Variants in RIMS1 observed in about 807,000 individuals in gnomAD.
RIMS1 encodes the protein regulating synaptic membrane exocytosis 1.
RIMS1 carries 83 observed loss-of-function variants against 214.1 expected under a neutral mutation model. That is an observed-to-expected ratio of 0.39 (90% confidence interval 0.32 to 0.47). RIMS1 has a LOEUF of 0.47. Among genes scored for constraint, RIMS1 ranks in the 20% least tolerant of loss-of-function variants. The pLI, the probability that RIMS1 is intolerant of heterozygous loss-of-function variation, is 0.99. For missense variants in RIMS1, 2,050 were observed against 2,161.8 expected, an observed-to-expected ratio of 0.95 and a Z score of 1.03; for synonymous variants, 793 against 786.8, an observed-to-expected ratio of 1.01 and a Z score of -0.13.
At position 72,324,733 on chromosome 6, in the gene RIMS1, A is replaced by C. The variant is rs1269457756; in HGVS notation, c.4131-8867A>C. On this transcript the variant is annotated intron_variant, in intron 28 of 33. Transcript: ENST00000521978. The stretch of plus-strand genomic sequence containing the variant: ...TGAGCAAACTATGGCCAGCAGGCTA[A>C]ATCTGGCCCACTGCCTATTATTGTG... Among the ~76,000 whole-genome samples, 3 of 152,076 alleles carry C rather than the reference A, an allele frequency of 2.0e-5. No homozygotes were observed. The East Asian group carries it at 5.8e-4, about 30-fold the overall frequency.
chr6:72,356,100 C>T (rs956800434), intron 29 of RIMS1, among the ~76,000 whole-genome samples: 3 of 152,152 alleles, frequency 2.0e-5, no homozygotes, highest in Non-Finnish European at 4.4e-5. Flanking sequence ...CATTATATAT[C>T]CAGTCAGTTG....
At chr6:71,936,219 C>T (rs908385212) in intron 1 of RIMS1, among the ~76,000 whole-genome samples, 12 of 145,738 alleles carry the variant, frequency 8.2e-5, no homozygotes, top group African/African-American at 2.8e-4. Flanking sequence ...CCCAGCTACT[C>T]GGGAGGCTGA....
chr6:72,187,783 C>T (rs551144028), intron 6 of RIMS1, among the ~76,000 whole-genome samples: 22 of 152,152 alleles, frequency 1.4e-4, no homozygotes, highest in Non-Finnish European at 2.5e-4. Flanking sequence ...GGAGCCATCG[C>T]GCCCAGCCCA....
chr6:72,048,828 G>T (rs544519464), intron 2 of RIMS1, among the ~76,000 whole-genome samples: 113 of 152,310 alleles, frequency 7.4e-4, no homozygotes, highest in African/African-American at 2.6e-3. Flanking sequence ...TGAGGAAGGG[G>T]TGGACTGCAG....
chr6:71,937,186 G>T lies in RIMS1; in HGVS notation c.165-31797G>T, dbSNP rs1784702204. 2.0e-5 allele frequency among the ~76,000 whole-genome samples: 3 copies of T among 152,206 alleles called. No individual in the cohort carries two copies. In the South Asian group the frequency reaches 6.2e-4, roughly 32 times the overall value. ...CCATTTTCTGCTGTTATGCCAGATT[G>T]CCACAGAATAGGTAATTTATAAAGA... On this transcript the variant is annotated intron_variant, in intron 1 of 33. Coordinates refer to ENST00000521978, the MANE Select transcript of RIMS1 (RefSeq NM_014989.7).
At chr6:72,316,391 A>G (rs940947415) in intron 28 of RIMS1, among the ~76,000 whole-genome samples, 1 of 152,150 alleles carries the variant, frequency 6.6e-6, no homozygotes, top group Non-Finnish European at 1.5e-5. Flanking sequence ...GTATAGGGGA[A>G]ACAGAGGCAT....
intron 2 of RIMS1, among the ~76,000 whole-genome samples, chr6:72,066,489 A>C (rs1829324352): frequency 2.0e-5 from 3 of 152,166 alleles, no homozygotes; most frequent in Admixed American, 2.0e-4. Flanking sequence ...TCCTCGGCCA[A>C]CCCAAATATT....
At chr6:72,288,346 G>A (rs750466824) in intron 24 of RIMS1, among the ~76,000 whole-genome samples, 11 of 152,172 alleles carry the variant, frequency 7.2e-5, no homozygotes, top group South Asian at 2.1e-4. Flanking sequence ...ATACATATAT[G>A]CATGAATACA....
In RIMS1 at chr6:72,153,032, A is replaced by G. The variant is rs13214067; in HGVS notation, c.472-26543A>G. On this transcript the variant is annotated intron_variant, in intron 4 of 33. Transcript: ENST00000521978. The stretch of plus-strand genomic sequence containing the variant: ...TGTATATATATGTGTGTGTGTATAT[A>G]TGTGTGTGTGTGTATATATATGTAT... 3.6e-4 allele frequency among the ~76,000 whole-genome samples: 49 copies of G among 136,594 alleles called. 1 individual carries two copies. The highest frequency in any genetic ancestry group is 1.4e-3 in the Admixed American group (19 of 13,108). The allele number at this position is 136,594 out of a possible 152,430, so 89.6% of individuals were successfully genotyped here.
chr6:72,188,631 C>CT (rs113375865), intron 6 of RIMS1, among the ~76,000 whole-genome samples: 27,701 of 152,202 alleles, frequency 0.18, 3,062 homozygotes, highest in Non-Finnish European at 0.25. Flanking sequence ...ACTACCCATT[C>CT]TTTATTTCCT....
At chr6:72,292,852 A>G (rs2093603731) in intron 26 of RIMS1, among the ~76,000 whole-genome samples, 1 of 152,150 alleles carries the variant, frequency 6.6e-6, no homozygotes. Context: ...TAGTAGAATT[A>G]CTTTTAAGAT....
chr6:72,217,017 A>G, intron 6 of RIMS1: 2 of 1,422,210 alleles, frequency 1.4e-6, no homozygotes, highest in Non-Finnish European at 1.8e-6. Context: ...AATGTTGGAC[A>G]CTGCAGGCTT....
intron 24 of RIMS1, among the ~76,000 whole-genome samples, chr6:72,289,432 C>A (rs990538695): frequency 1.3e-5 from 2 of 152,082 alleles, no homozygotes; most frequent in African/African-American, 4.8e-5. Flanking sequence ...CTATGAGTTA[C>A]TTTTTATTTT....
Position 72,400,696 on chromosome 6 carries a change from T to A in RIMS1, c.5061T>A (p.Pro1687=). ...SQSSLESSTG[P]PCIRS ...CATCTCTGGAAAGTTCAACTGGGCC[T>A]CCCTGTATTCGATCATAGTGAACTC... Residue 1687 remains proline, a synonymous_variant, in exon 34 of 34, where the codon CCT becomes CCA. Transcript: ENST00000521978. 6.2e-7 allele frequency: 1 copy of A among 1,612,858 alleles called. No homozygotes were observed. The highest frequency in any genetic ancestry group is 8.5e-7 in the Non-Finnish European group (1 of 1,179,026).
At chr6:72,361,189 C>A (rs1216275779) in intron 29 of RIMS1, among the ~76,000 whole-genome samples, 1 of 143,862 alleles carries the variant, frequency 7.0e-6, no homozygotes, top group Admixed American at 7.3e-5. Context: ...CTCACTGCAA[C>A]CACCGTCTCC....
At chr6:72,133,722 T>A (rs563515289) in intron 4 of RIMS1, among the ~76,000 whole-genome samples, 1 of 152,300 alleles carries the variant, frequency 6.6e-6, no homozygotes, top group South Asian at 2.1e-4. Flanking sequence ...TTGTTCTTGG[T>A]CTATGAGGCA....
intron 6 of RIMS1, among the ~76,000 whole-genome samples, chr6:72,218,011 T>G (rs530405254): frequency 2.6e-5 from 4 of 152,324 alleles, no homozygotes; most frequent in African/African-American, 9.6e-5. Flanking sequence ...CAAGATCATC[T>G]ATTGATGATT....
At chr6:72,266,261 T>C in intron 22 of RIMS1, 1 of 573,184 alleles carries the variant, frequency 1.7e-6, no homozygotes, top group South Asian at 2.0e-5. Context: ...TTTCTATGAA[T>C]GTTGTTGCAA....
Position 72,185,879 on chromosome 6 carries a change from C to T in RIMS1, c.1678+2730C>T, listed in dbSNP as rs536854565. Among the ~76,000 whole-genome samples the T allele has an allele frequency of 1.3e-4, 20 of 152,324 alleles. No individual in the cohort carries two copies. The South Asian group carries it at 4.2e-3, about 32-fold the overall frequency. On this transcript the variant is annotated intron_variant, in intron 6 of 33. Coordinates refer to ENST00000521978, the MANE Select transcript of RIMS1 (RefSeq NM_014989.7). ...ATCCAGAGACAGCAAGGCTCTTTTTCCTTCTCCTCAATGTGAAGACGACGA... is the reference window on the plus strand; with the variant it reads ...ATCCAGAGACAGCAAGGCTCTTTTTTCTTCTCCTCAATGTGAAGACGACGA...
Sources: allele counts gnomAD v4.1 joint callset (sites outside exome capture counted in the v4.1 genomes callset), GRCh38; gene constraint gnomAD v4.1.1; transcripts MANE v1.5; gene names NCBI Gene and HGNC (gene_info 2026-07-23, HGNC 2026-07-21).